The following CIMAP1A variants were observed in gnomAD, a reference collection of about 807,000 sequenced individuals.
The protein encoded by CIMAP1A is ciliary microtubule associated protein 1A.
At chr11:198,040 G>T in the CIMAP1A span, 2 of 1,540,796 alleles carry the variant, frequency 1.3e-6, 1 homozygote, top group South Asian at 2.4e-5. Flanking sequence ...CCTGAAGTCA[G>T]CATTTCCATC....
the CIMAP1A span, chr11:197,875 C>T: frequency 3.4e-6 from 5 of 1,486,936 alleles, no homozygotes; most frequent in Non-Finnish European, 4.5e-6. Flanking sequence ...CCATCCTGGC[C>T]CCTCCCGTCC....
chr11:198,991 G>T, the CIMAP1A span: 1 of 1,182,694 alleles, frequency 8.5e-7, no homozygotes, highest in Non-Finnish European at 1.1e-6. Context: ...AGAGCTTGAG[G>T]GGCCTGAGAT....
chr11:197,599 G>A, the CIMAP1A span: 5 of 1,613,414 alleles, frequency 3.1e-6, no homozygotes, highest in Non-Finnish European at 4.2e-6. Flanking sequence ...GCGTGCACCG[G>A]CCTACAGCTT....
chr11:200,131 T>G, the CIMAP1A span: 1 of 1,296,414 alleles, frequency 7.7e-7, no homozygotes, highest in Non-Finnish European at 1.1e-6. Context: ...TGGGCCAGCC[T>G]GGCCCTGCAG....
the CIMAP1A span, chr11:197,677 A>T: frequency 7.4e-6 from 12 of 1,613,614 alleles, no homozygotes; most frequent in South Asian, 1.3e-4. Flanking sequence ...AAACCCCAAG[A>T]TACTGAGGAC....
chr11:200,061 C>A, the CIMAP1A span: 1 of 1,610,134 alleles, frequency 6.2e-7, no homozygotes, highest in South Asian at 1.1e-5. Flanking sequence ...CCCATCACAC[C>A]CGGCATCTAC....
chr11:198,548 G>A, the CIMAP1A span: 36 of 1,611,902 alleles, frequency 2.2e-5, no homozygotes, highest in Non-Finnish European at 3.0e-5. Context: ...ATCAAGGGCC[G>A]CAGCAAGCTG....
the CIMAP1A span, chr11:197,116 T>G: frequency 5.6e-6 from 3 of 533,846 alleles, no homozygotes; most frequent in African/African-American, 1.9e-5. Flanking sequence ...CACAGACCCA[T>G]GCAGAAAGCT....
chr11:198,166 T>C, the CIMAP1A span: 3 of 1,604,966 alleles, frequency 1.9e-6, no homozygotes, highest in East Asian at 6.8e-5. Flanking sequence ...ACCCACCTGC[T>C]TGTCCCAGCA....
At chr11:200,042 C>A in the CIMAP1A span, 4 of 1,612,248 alleles carry the variant, frequency 2.5e-6, no homozygotes, top group East Asian at 6.7e-5. Context: ...AACGCCAGCC[C>A]TGCTGTGCCC....
the CIMAP1A span, chr11:198,974 A>G: frequency 3.4e-6 from 4 of 1,188,734 alleles, no homozygotes; most frequent in Non-Finnish European, 4.2e-6. Context: ...TGGGTGGCAC[A>G]TGCCTGAGAG....
chr11:199,375 G>C, the CIMAP1A span: 1 of 1,571,552 alleles, frequency 6.4e-7, no homozygotes. Flanking sequence ...TCAGACCCCA[G>C]GTCCCGCAGC....
chr11:200,225 G>A, the CIMAP1A span: 3 of 584,366 alleles, frequency 5.1e-6, no homozygotes, highest in Non-Finnish European at 9.0e-6. Context: ...GTTTTCTGCT[G>A]TGCCCAAATT....
the CIMAP1A span, chr11:198,617 CA>C: frequency 1.9e-6 from 3 of 1,574,068 alleles, no homozygotes; most frequent in African/African-American, 1.4e-5. Flanking sequence ...AACAGAGAAT[CA>C]CCCCCAACCA....
chr11:197,734 A>G, the CIMAP1A span: 1 of 1,613,644 alleles, frequency 6.2e-7, no homozygotes, highest in Non-Finnish European at 8.5e-7. Context: ...GCGCTACCAA[A>G]CCAAGACCAT....
the CIMAP1A span, chr11:198,062 C>A: frequency 1.9e-6 from 3 of 1,544,164 alleles, no homozygotes; most frequent in Non-Finnish European, 2.6e-6. Context: ...TGGACACCCC[C>A]TGACCCGACT....
At chr11:197,297 A>G in the CIMAP1A span, 1 of 1,563,088 alleles carries the variant, frequency 6.4e-7, no homozygotes, top group Non-Finnish European at 8.7e-7. Flanking sequence ...TTACGGACAG[A>G]GCTGGCCATG....
At chr11:198,143 A>G in the CIMAP1A span, 1 of 1,584,118 alleles carries the variant, frequency 6.3e-7, no homozygotes, top group African/African-American at 1.4e-5. Context: ...TGAGCCCCCA[A>G]ACTGGGCTGC....
chr11:197,294 C>A, the CIMAP1A span: 1 of 1,556,174 alleles, frequency 6.4e-7, no homozygotes, highest in Admixed American at 1.9e-5. Flanking sequence ...CACTTACGGA[C>A]AGAGCTGGCC....
Sources: allele counts gnomAD v4.1 joint callset, GRCh38; gene constraint gnomAD v4.1.1; transcripts MANE v1.5; gene names NCBI Gene and HGNC (gene_info 2026-07-23, HGNC 2026-07-21).